VWA5B1: variants seen among roughly 807,000 people sequenced by gnomAD.
VWA5B1 encodes von Willebrand factor A domain containing 5B1.
Under a neutral mutation model 118.2 loss-of-function variants are expected in VWA5B1, and 115 were observed. That is an observed-to-expected ratio of 0.97 (90% CI 0.84 to 1.14). VWA5B1 has a LOEUF of 1.14. Ranked by LOEUF, VWA5B1 falls within the 50% of genes most tolerant of loss-of-function variation. The pLI is 0.00. For synonymous variants in VWA5B1, 682 were observed against 658.4 expected (o/e 1.04, Z -0.55); for missense variants, 1,596 against 1,603.8 (o/e 1.00, Z 0.08).
intron 1 of VWA5B1, among the ~76,000 whole-genome samples, chr1:20,308,778 G>C (rs1354487876): frequency 6.6e-6 from 1 of 152,200 alleles, no homozygotes; most frequent in Admixed American, 6.5e-5. Flanking sequence ...GCCTGGCGGG[G>C]TGCCGGGGTG....
chr1:20,321,312 C>T (rs116137830), intron 7 of VWA5B1, among the ~76,000 whole-genome samples: 3,657 of 152,188 alleles, frequency 0.024, 138 homozygotes, highest in African/African-American at 0.082. Flanking sequence ...TCAGGCCGGG[C>T]GCGGTGGCTT....
At chr1:20,321,012 G>T (rs1388832215) in intron 7 of VWA5B1, among the ~76,000 whole-genome samples, 4 of 150,812 alleles carry the variant, frequency 2.7e-5, no homozygotes, top group Non-Finnish European at 5.9e-5. Context: ...GGAAGAGTGG[G>T]TGGGACAAGC....
At chr1:20,293,452 G>T (rs561002382) in intron 1 of VWA5B1, among the ~76,000 whole-genome samples, 1 of 152,178 alleles carries the variant, frequency 6.6e-6, no homozygotes. Context: ...GCTCCTTTTC[G>T]GATACCGGTT....
chr1:20,355,505 A>G lies in VWA5B1; in HGVS notation c.*1242A>G, dbSNP rs2090213076. Among the ~76,000 whole-genome samples, 2 of 152,184 alleles carry G rather than the reference A, an allele frequency of 1.3e-5. 1 individual carries two copies. Among genetic ancestry groups the G allele is most frequent in the South Asian group, 4.1e-4 (2 of 4,824 alleles). On this transcript the variant is annotated 3_prime_UTR_variant, in exon 22 of 22. Coordinates refer to ENST00000289815, the MANE Select transcript of VWA5B1 (RefSeq NM_001039500.3). ...CCCACCAGCTTGGGACTTCAGGCTG[A>G]ATCTATCCACCCTCGAAGCCCCCTC...
chr1:20,295,557 G>C (rs927281416), intron 1 of VWA5B1, among the ~76,000 whole-genome samples: 1 of 152,162 alleles, frequency 6.6e-6, no homozygotes, highest in Non-Finnish European at 1.5e-5. Flanking sequence ...GGGTCCCCGG[G>C]TGTCTCAGCA....
chr1:20,337,520 T>C, intron 13 of VWA5B1, 126 bp from the exon 14 acceptor site: 1 of 1,092,610 alleles, frequency 9.2e-7, no homozygotes, highest in South Asian at 1.7e-5. Context: ...AGGGGAGGCA[T>C]CTGCATATAT....
At chr1:20,320,652 G>A (rs1428946072) in intron 7 of VWA5B1, among the ~76,000 whole-genome samples, 2 of 152,236 alleles carry the variant, frequency 1.3e-5, no homozygotes, top group Admixed American at 1.3e-4. Flanking sequence ...CCACCTTGGG[G>A]TGGTTATGCA....
At chr1:20,292,152 C>T (rs555802696) in intron 1 of VWA5B1, among the ~76,000 whole-genome samples, 2 of 151,296 alleles carry the variant, frequency 1.3e-5, no homozygotes, top group South Asian at 2.1e-4. Flanking sequence ...CTTTCTTTCT[C>T]TCTCTCTCTT....
intron 1 of VWA5B1, among the ~76,000 whole-genome samples, chr1:20,300,301 T>C (rs960223538): frequency 5.3e-5 from 8 of 152,272 alleles, no homozygotes; most frequent in Non-Finnish European, 2.9e-5. Flanking sequence ...GGAATGAGTA[T>C]ACATCTTCAG....
intron 1 of VWA5B1, among the ~76,000 whole-genome samples, chr1:20,295,562 T>C (rs1183493101): frequency 6.6e-6 from 1 of 152,186 alleles, no homozygotes; most frequent in East Asian, 1.9e-4. Flanking sequence ...CCCGGGTGTC[T>C]CAGCACAAAG....
chr1:20,350,115 G>T (rs750550216), intron 18 of VWA5B1, 41 bp from the exon 19 acceptor site: 286 of 1,536,972 alleles, frequency 1.9e-4, no homozygotes, highest in Non-Finnish European at 2.3e-4. Context: ...AGGCGAGGAA[G>T]GGAGGGGAGA....
chr1:20,358,324 C>T lies in VWA5B1; in HGVS notation c.*4061C>T, dbSNP rs1422360429. 1.3e-5 allele frequency among the ~76,000 whole-genome samples: 2 copies of T among 152,164 alleles called. No individual in the cohort carries two copies. The highest frequency in any genetic ancestry group is 2.9e-5 in the Non-Finnish European group (2 of 68,024). ...CAGCTGGTTCACCAGGAACAGCTGT[C>T]AAAAAAGGTTTCTGGAAGTTTCCTC... On this transcript the variant is annotated 3_prime_UTR_variant, in exon 22 of 22. Coordinates refer to ENST00000289815, the MANE Select transcript of VWA5B1 (RefSeq NM_001039500.3).
chr1:20,356,340 C>T lies in VWA5B1; in HGVS notation c.*2077C>T, dbSNP rs1287870852. 6.6e-6 allele frequency among the ~76,000 whole-genome samples: 1 copy of T among 152,250 alleles called. No individual in the cohort carries two copies. Among genetic ancestry groups the T allele is most frequent in the Non-Finnish European group, 1.5e-5 (1 of 68,044 alleles). On this transcript the variant is annotated 3_prime_UTR_variant, in exon 22 of 22. Coordinates refer to ENST00000289815, the MANE Select transcript of VWA5B1 (RefSeq NM_001039500.3). ...TCTCCTGCTCTGACAGTCCCAGACT[C>T]TCTGCCTCTGAGATGTTTCCCTCTT...
At chr1:20,351,380 A>G (rs2090126019) in intron 20 of VWA5B1, among the ~76,000 whole-genome samples, 1 of 152,176 alleles carries the variant, frequency 6.6e-6, no homozygotes, top group Non-Finnish European at 1.5e-5. Flanking sequence ...TAGGCCAGGC[A>G]TGGTGGCTCA....
intron 12 of VWA5B1, among the ~76,000 whole-genome samples, chr1:20,335,113 A>G (rs2100951810): frequency 6.6e-6 from 1 of 152,350 alleles, no homozygotes; most frequent in Non-Finnish European, 1.5e-5. Flanking sequence ...GTTCAAGACC[A>G]GCCTGGGCAA....
At chr1:20,303,816 T>C (rs2088567330) in intron 1 of VWA5B1, among the ~76,000 whole-genome samples, 1 of 152,142 alleles carries the variant, frequency 6.6e-6, no homozygotes, top group South Asian at 2.1e-4. Flanking sequence ...CACCTCCACC[T>C]CCCTTGTGAT....
At chr1:20,295,948 C>T (rs529870161) in intron 1 of VWA5B1, among the ~76,000 whole-genome samples, 40 of 152,222 alleles carry the variant, frequency 2.6e-4, no homozygotes, top group African/African-American at 9.4e-4. Flanking sequence ...CTGCAACCTC[C>T]GCCTCCTAGG....
intron 1 of VWA5B1, among the ~76,000 whole-genome samples, chr1:20,307,717 T>C (rs2088701276): frequency 6.6e-6 from 1 of 152,088 alleles, no homozygotes; most frequent in Non-Finnish European, 1.5e-5. Flanking sequence ...ATACAGTAGG[T>C]GCTTATCAAT....
At position 20,342,480 on chromosome 1, in the gene VWA5B1, G is replaced by C. The variant is rs1286312916; in HGVS notation, c.2182G>C (p.Gly728Arg). The change falls in exon 15 of 22, where the codon GGC becomes CGC. Residue 728 changes from glycine (G) to arginine (R), a missense_variant. Coordinates refer to ENST00000289815, the MANE Select transcript of VWA5B1 (RefSeq NM_001039500.3). ...QDLNQGPKLR[G>R]PGARRPSLLP... ...CCTGAACCAGGGCCCCAAACTCCGT[G>C]GCCCAGGGGCCCGAAGGCCCTCTCT... 3 of 1,551,138 alleles carry C rather than the reference G, an allele frequency of 1.9e-6. No individual in the cohort carries two copies. The Admixed American group carries it at 5.9e-5, about 30-fold the overall frequency.
Sources: gnomAD v4.1 joint callset for allele counts (sites outside exome capture counted in the v4.1 genomes callset) on GRCh38, gnomAD v4.1.1 for gene constraint, MANE v1.5 for transcripts, NCBI Gene and HGNC (gene_info 2026-07-23, HGNC 2026-07-21) for gene names.